MSANTD7: variants seen among roughly 807,000 people sequenced by gnomAD.
The protein encoded by MSANTD7 is Myb/SANT DNA binding domain containing 7, also known as zinc finger and SCAN domain containing 29.
At chr10:14,845,929 C>G in the MSANTD7 span, 12 of 745,326 alleles carry the variant, frequency 1.6e-5, no homozygotes, top group African/African-American at 2.3e-4. Flanking sequence ...TTCCTAGTAC[C>G]TTCCAGCTCT....
the MSANTD7 span, chr10:14,846,490 AAGG>A: frequency 1.0e-6 from 1 of 985,258 alleles, no homozygotes. Context: ...TAAAAATATT[AAGG>A]GGAGGGAAAT....
At chr10:14,844,553 A>G in the MSANTD7 span, 4 of 986,120 alleles carry the variant, frequency 4.1e-6, no homozygotes, top group Non-Finnish European at 4.8e-6. Flanking sequence ...TATCTGACAT[A>G]TCTACTAGTA....
chr10:14,839,120 C>T, the MSANTD7 span, among the ~76,000 whole-genome samples: 6 of 152,306 alleles, frequency 3.9e-5, no homozygotes, highest in East Asian at 1.2e-3. Context: ...GGTGGCCTTT[C>T]TGGAAGTGAG....
chr10:14,845,935 G>A, the MSANTD7 span: 1 of 786,862 alleles, frequency 1.3e-6, no homozygotes, highest in Non-Finnish European at 1.5e-6. Context: ...GTACCTTCCA[G>A]CTCTAAAAAA....
chr10:14,845,314 CAA>C, the MSANTD7 span: 85 of 985,336 alleles, frequency 8.6e-5, 1 homozygote, highest in South Asian at 3.3e-4. Flanking sequence ...GGAAAAATAA[CAA>C]AGAGTGGGCA....
the MSANTD7 span, chr10:14,838,518 G>A: frequency 6.7e-7 from 1 of 1,498,346 alleles, no homozygotes; most frequent in Non-Finnish European, 9.0e-7. Context: ...TTCTGGCGCT[G>A]GGTCATCCAC....
chr10:14,840,974 C>T, the MSANTD7 span, among the ~76,000 whole-genome samples: 1 of 152,148 alleles, frequency 6.6e-6, no homozygotes, highest in Non-Finnish European at 1.5e-5. Context: ...GATCAGGTCT[C>T]CTCACCCTCG....
the MSANTD7 span, chr10:14,839,949 T>A: frequency 1.9e-6 from 3 of 1,612,904 alleles, no homozygotes; most frequent in South Asian, 3.3e-5. Context: ...GTGACCGAGT[T>A]ACTCCAGCTG....
At chr10:14,839,294 C>T in the MSANTD7 span, among the ~76,000 whole-genome samples, 2 of 152,202 alleles carry the variant, frequency 1.3e-5, no homozygotes, top group Non-Finnish European at 2.9e-5. Flanking sequence ...AAGAAAGGGG[C>T]CCAGCGCGGT....
chr10:14,845,215 C>T, the MSANTD7 span: 1 of 985,312 alleles, frequency 1.0e-6, no homozygotes, highest in Non-Finnish European at 1.2e-6. Flanking sequence ...ATTAAACTAA[C>T]TTAAAGCTTT....
At chr10:14,838,402 C>A in the MSANTD7 span, 5 of 1,603,720 alleles carry the variant, frequency 3.1e-6, no homozygotes, top group Non-Finnish European at 3.4e-6. Context: ...CCTGCTGCCT[C>A]ATGGCGGCCA....
the MSANTD7 span, chr10:14,844,207 G>A: frequency 1.8e-6 from 2 of 1,142,080 alleles, no homozygotes; most frequent in Non-Finnish European, 2.2e-6. Flanking sequence ...CCGTAAAATG[G>A]GGATCAATAA....
the MSANTD7 span, among the ~76,000 whole-genome samples, chr10:14,841,769 T>A: frequency 6.6e-6 from 1 of 152,238 alleles, no homozygotes; most frequent in East Asian, 1.9e-4. Context: ...CACAGCGTGC[T>A]GTGATTAGTA....
At chr10:14,842,500 A>G in the MSANTD7 span, 1 of 1,536,148 alleles carries the variant, frequency 6.5e-7, no homozygotes, top group Non-Finnish European at 8.7e-7. This position sits in a 1 kb window ranked among gnomAD's most constrained non-coding sequence, Gnocchi z 5.2. Flanking sequence ...TGAAGGCATT[A>G]TATTTAAAGG....
At chr10:14,842,347 C>T in the MSANTD7 span, 3 of 1,536,140 alleles carry the variant, frequency 2.0e-6, no homozygotes, top group Non-Finnish European at 2.6e-6. The surrounding 1 kb of genome is among the most constrained non-coding windows in gnomAD (Gnocchi z 5.2). Context: ...GAACTCTTCT[C>T]TCCATACTAG....
the MSANTD7 span, chr10:14,840,057 TATTA>T: frequency 7.4e-6 from 9 of 1,224,202 alleles, no homozygotes; most frequent in South Asian, 1.3e-4. Context: ...TATATATATA[TATTA>T]TTTTTTTTTT....
chr10:14,843,823 G>A, the MSANTD7 span: 1 of 1,536,416 alleles, frequency 6.5e-7, no homozygotes, highest in African/African-American at 1.4e-5. Flanking sequence ...AGCAGTGGAA[G>A]AGGCAACTGG....
chr10:14,844,607 G>C, the MSANTD7 span: 1 of 985,154 alleles, frequency 1.0e-6, no homozygotes, highest in Admixed American at 6.2e-5. Context: ...CATTTTACTG[G>C]TTCTTAGTCT....
the MSANTD7 span, chr10:14,844,112 G>A: frequency 6.1e-5 from 84 of 1,375,468 alleles, no homozygotes; most frequent in Non-Finnish European, 7.5e-5. Context: ...AATAGAAAAC[G>A]ATGGAGCCAC....
Sources: gnomAD v4.1 joint callset for allele counts (sites outside exome capture counted in the v4.1 genomes callset) on GRCh38, gnomAD v4.1.1 for gene constraint, Gnocchi (gnomAD v3.1) non-coding constraint, MANE v1.5 for transcripts, NCBI Gene and HGNC (gene_info 2026-07-23, HGNC 2026-07-21) for gene names.